Variants in ANKRD26 observed in about 807,000 individuals in gnomAD.
ANKRD26 encodes ankyrin repeat domain 26.
In ANKRD26, 141 loss-of-function variants were observed where a neutral mutation model predicts 208.7. The observed-to-expected ratio is 0.68, with a 90% CI of 0.59 to 0.78. ANKRD26 has a LOEUF of 0.78. ANKRD26 is among the 30% of genes least tolerant of loss of function. The pLI is 0.00. For synonymous variants in ANKRD26, 636 were observed against 660.4 expected (o/e 0.96, Z 0.57); for missense variants, 1,889 against 1,938.7 (o/e 0.97, Z 0.48).
At chr10:27,043,820 C>T (rs1003615282) in intron 19 of ANKRD26, among the ~76,000 whole-genome samples, 1 of 151,254 alleles carries the variant, frequency 6.6e-6, no homozygotes, top group African/African-American at 2.4e-5. Context: ...GACATCGGGT[C>T]TCGCTCTATC....
chr10:26,973,216 T>C (rs72805453), downstream of ANKRD26, among the ~76,000 whole-genome samples: 4,857 of 152,308 alleles, frequency 0.032, 126 homozygotes, highest in Middle Eastern at 0.1. Flanking sequence ...TAAAATTCTA[T>C]GAATTAATTT....
Position 27,093,782 on chromosome 10 carries a change from G to A in ANKRD26, c.260C>T (p.Ala87Val). The change falls in exon 2 of 34, where the codon GCC (alanine) becomes GTC (valine). Residue 87 changes from alanine to valine, a missense_variant. Around this residue, in one of 3 missense-constraint regions of ANKRD26, gnomAD observed 1,272 missense variants for 1,273.8 expected, o/e 1.00. Transcript: ENST00000376087. ...TACTTCTGGATGACCATTGGCACAG[G>A]CCAAATGTAGAGCCGTCCTATGAGA... ...DKMNRTALHL[A>V]CANGHPEVVT... 1.2e-6 allele frequency: 2 copies of A among 1,614,090 alleles called. No homozygotes were observed. The highest frequency in any genetic ancestry group is 1.7e-6 in the Non-Finnish European group (2 of 1,179,940).
chr10:27,057,582 C>T (rs937403636), intron 15 of ANKRD26, among the ~76,000 whole-genome samples: 11 of 152,170 alleles, frequency 7.2e-5, no homozygotes, highest in East Asian at 1.9e-4. Flanking sequence ...CTTTCCTCAA[C>T]GTACCACTAT....
At chr10:27,058,211 A>T (rs1333888789) in intron 15 of ANKRD26, among the ~76,000 whole-genome samples, 1 of 152,236 alleles carries the variant, frequency 6.6e-6, no homozygotes, top group Non-Finnish European at 1.5e-5. Flanking sequence ...ATTATTTGAC[A>T]TCTACAAACC....
the ANKRD26 span, among the ~76,000 whole-genome samples, chr10:26,967,099 A>C: frequency 2.0e-5 from 3 of 147,444 alleles, no homozygotes; most frequent in African/African-American, 7.3e-5. Flanking sequence ...GTTTTTGTTA[A>C]ATTTCATATT....
At chr10:27,015,298 A>G (rs550709445) in intron 30 of ANKRD26, among the ~76,000 whole-genome samples, 174 of 152,338 alleles carry the variant, frequency 1.1e-3, no homozygotes, top group Admixed American at 6.9e-3. Flanking sequence ...ACATGCTGAG[A>G]AAAAAGCCCA....
chr10:27,039,824 T>C (rs1412222235), intron 21 of ANKRD26, 141 bp downstream of exon 21: 5 of 703,066 alleles, frequency 7.1e-6, no homozygotes, highest in Non-Finnish European at 1.2e-5. Flanking sequence ...CTAGTTATAT[T>C]ATTTCCAAGA....
chr10:27,060,381 C>CTTTA lies in ANKRD26; in HGVS notation c.1524_1527dup (p.Ala510Ter). The CTTTA allele has an allele frequency of 6.2e-7, 1 of 1,612,950 alleles. No individual in the cohort carries two copies. Among genetic ancestry groups the CTTTA allele is most frequent in the Non-Finnish European group, 8.5e-7 (1 of 1,179,166 alleles). On this transcript the variant is annotated stop_gained and frameshift_variant, in exon 15 of 34. Transcript: ENST00000376087. LOFTEE classifies it high-confidence loss of function. Reference sequence around the variant, plus strand: ...GTTTGTACATCCTTCATTCCTCCTGCTTTATTTGGAACAGAATCTTTCATT... The same window carrying CTTTA: ...GTTTGTACATCCTTCATTCCTCCTGCTTTATTTATTTGGAACAGAATCTTTCATT...
intron 30 of ANKRD26, among the ~76,000 whole-genome samples, chr10:27,015,730 G>C (rs2053267698): frequency 6.6e-6 from 1 of 152,158 alleles, no homozygotes; most frequent in Non-Finnish European, 1.5e-5. Flanking sequence ...AAGTGGCCCA[G>C]TTGAAATTTC....
intron 30 of ANKRD26, 103 bp from the exon 31 acceptor site, chr10:27,014,814 C>CA: frequency 2.3e-6 from 2 of 885,600 alleles, no homozygotes; most frequent in Middle Eastern, 3.4e-4. Context: ...ACCCAAACTC[C>CA]AAAAAGAGAA....
chr10:27,073,325 G>A (rs1050238614), intron 9 of ANKRD26, among the ~76,000 whole-genome samples: 8 of 152,164 alleles, frequency 5.3e-5, no homozygotes, highest in Non-Finnish European at 7.4e-5. Flanking sequence ...CATGATGTGC[G>A]TGCATCTGTA....
the ANKRD26 span, among the ~76,000 whole-genome samples, chr10:26,953,854 T>C: frequency 4.6e-5 from 7 of 152,340 alleles, no homozygotes; most frequent in Admixed American, 2.0e-4. Flanking sequence ...ATCACATGTA[T>C]TGCCCAGCAG....
intron 11 of ANKRD26, among the ~76,000 whole-genome samples, chr10:27,064,457 G>A (rs2055169586): frequency 2.0e-5 from 3 of 152,024 alleles, no homozygotes; most frequent in Admixed American, 2.0e-4. Flanking sequence ...AACTTATTCC[G>A]GTTCGGGGGA....
At chr10:27,015,810 C>T (rs1354794469) in intron 30 of ANKRD26, among the ~76,000 whole-genome samples, 1 of 152,166 alleles carries the variant, frequency 6.6e-6, no homozygotes, top group African/African-American at 2.4e-5. Context: ...AGGGGTCCCA[C>T]GCAGTTCTCA....
chr10:27,082,831 C>A lies in ANKRD26; in HGVS notation c.712G>T (p.Asp238Tyr). The A allele has an allele frequency of 6.3e-7, 1 of 1,589,788 alleles. No individual in the cohort carries two copies. The highest frequency in any genetic ancestry group is 1.1e-5 in the South Asian group (1 of 88,346). The change falls in exon 6 of 34, where the codon GAT becomes TAT. Residue 238 changes from aspartate to tyrosine, a missense_variant and splice_region_variant. Asp to Tyr is a radical substitution (Grantham distance 160). Transcript: ENST00000376087. ...CTTAAGGAGTCTTCAGAGCTTTCAT[C>A]CACTATTAAAGAGAAAAGTAAAACA... ...KHSSQNSNSVDESSEDSLSRL... is the reference protein window; with the variant it reads ...KHSSQNSNSVYESSEDSLSRL...
At chr10:26,984,181 T>C (rs958831228) in intron 3 of ANKRD26, among the ~76,000 whole-genome samples, 6 of 152,174 alleles carry the variant, frequency 3.9e-5, no homozygotes, top group Non-Finnish European at 7.4e-5. Context: ...CTCCATAAGA[T>C]AGCAATTGCC....
At position 27,043,584 on chromosome 10, in the gene ANKRD26, ACT is replaced by A. The variant is rs1488186486; in HGVS notation, c.2020-19_2020-18del. The A allele has an allele frequency of 1.9e-6, 3 of 1,608,040 alleles. No individual in the cohort carries two copies. Among genetic ancestry groups the A allele is most frequent in the Non-Finnish European group, 8.5e-7 (1 of 1,175,034 alleles). On this transcript the variant is annotated intron_variant, in intron 19 of 33. Transcript: ENST00000376087. Reference sequence around the variant, plus strand: ...GTTTTTGACCTATGAAATAAATAACACTGTTTCAAAATGTCCCCAGAATATTT... The same window carrying A: ...GTTTTTGACCTATGAAATAAATAACAGTTTCAAAATGTCCCCAGAATATTT...
At chr10:26,972,148 T>G (rs1264763179), downstream of ANKRD26, among the ~76,000 whole-genome samples, 1 of 148,472 alleles carries the variant, frequency 6.7e-6, no homozygotes, top group Non-Finnish European at 1.5e-5. Context: ...GGCAGGAGAA[T>G]GGCGTGATCC....
the ANKRD26 span, among the ~76,000 whole-genome samples, chr10:26,950,406 T>C: frequency 6.7e-6 from 1 of 148,574 alleles, no homozygotes; most frequent in Non-Finnish European, 1.5e-5. Flanking sequence ...CAGTCTCAGG[T>C]AGTTTCTTTA....
Sources: gnomAD v4.1 joint callset for allele counts (sites outside exome capture counted in the v4.1 genomes callset) on GRCh38, gnomAD v4.1.1 for gene constraint, gnomAD v4.1.1 regional missense constraint, MANE v1.5 for transcripts, NCBI Gene and HGNC (gene_info 2026-07-23, HGNC 2026-07-21) for gene names.